Variants in MAGI1 observed in about 807,000 individuals in gnomAD.
MAGI1 encodes membrane-associated guanylate kinase, WW and PDZ domain-containing protein 1.
MAGI1 carries 58 observed loss-of-function variants against 139.9 expected under a neutral mutation model. That is an observed-to-expected ratio of 0.41 (90% CI 0.34 to 0.52). MAGI1 has a LOEUF of 0.52. Among genes scored for constraint, MAGI1 ranks in the 20% least tolerant of loss-of-function variants. The probability of loss-of-function intolerance (pLI) is 0.12; values close to 1 mark genes in which losing one functional copy is unlikely to be tolerated. For missense variants in MAGI1, 1,874 were observed against 1,901.6 expected, an observed-to-expected ratio of 0.99 and a Z score of 0.27; for synonymous variants, 812 against 737.9, an observed-to-expected ratio of 1.10 and a Z score of -1.63.
intron 5 of MAGI1, among the ~76,000 whole-genome samples, chr3:65,465,056 C>T (rs1021296590): frequency 3.3e-4 from 49 of 149,074 alleles, no homozygotes; most frequent in Admixed American, 3.4e-4. Flanking sequence ...ATCATTTTAC[C>T]GCTTTGACTG....
At chr3:65,359,091 G>A in intron 22 of MAGI1, 1 of 1,614,094 alleles carries the variant, frequency 6.2e-7, no homozygotes, top group Non-Finnish European at 8.5e-7. Context: ...CCATAAGGTA[G>A]AAGCAAGCCT....
chr3:65,849,483 A>ATATATG (rs1400593304), intron 1 of MAGI1, among the ~76,000 whole-genome samples: 4 of 142,828 alleles, frequency 2.8e-5, no homozygotes, highest in Non-Finnish European at 6.2e-5. Flanking sequence ...ATATATATAT[A>ATATATG]TATCATCAAA....
intron 14 of MAGI1, among the ~76,000 whole-genome samples, chr3:65,388,877 T>C (rs1286743316): frequency 1.5e-5 from 2 of 132,662 alleles, no homozygotes; most frequent in Non-Finnish European, 3.1e-5. Context: ...AGTCTCGCTC[T>C]GTCGCCCAGG....
chr3:65,401,927 T>A (rs1575619515), intron 12 of MAGI1: 7 of 984,280 alleles, frequency 7.1e-6, no homozygotes, highest in Non-Finnish European at 8.4e-6. Context: ...ATGGTTAAAA[T>A]TAAAAAAATT....
At chr3:65,846,152 C>A (rs916631451) in intron 1 of MAGI1, among the ~76,000 whole-genome samples, 1 of 152,160 alleles carries the variant, frequency 6.6e-6, no homozygotes, top group African/African-American at 2.4e-5. Context: ...GACCAGGCAG[C>A]TATAAATCCA....
chr3:65,514,485 A>G (rs2107770089), intron 2 of MAGI1, among the ~76,000 whole-genome samples: 1 of 150,394 alleles, frequency 6.6e-6, no homozygotes, highest in South Asian at 2.1e-4. Flanking sequence ...AACCCCATCA[A>G]AAACTGGGCG....
At chr3:65,870,292 A>C (rs1275780383) in intron 1 of MAGI1, among the ~76,000 whole-genome samples, 1 of 151,894 alleles carries the variant, frequency 6.6e-6, no homozygotes, top group African/African-American at 2.4e-5. Context: ...CTGGGCCTCC[A>C]ACAACCCTTC....
At chr3:65,652,993 G>A (rs552964396) in intron 1 of MAGI1, among the ~76,000 whole-genome samples, 1 of 152,302 alleles carries the variant, frequency 6.6e-6, no homozygotes, top group Admixed American at 6.5e-5. Flanking sequence ...GGACATGTGA[G>A]TCATCAGAAG....
intron 1 of MAGI1, among the ~76,000 whole-genome samples, chr3:66,033,830 T>C (rs576688312): frequency 1.3e-5 from 2 of 152,318 alleles, no homozygotes; most frequent in East Asian, 3.9e-4. Context: ...TGACCTGTAA[T>C]ACACCACTTT....
At chr3:65,482,204 C>A (rs1031943540) in intron 3 of MAGI1, among the ~76,000 whole-genome samples, 2 of 152,162 alleles carry the variant, frequency 1.3e-5, no homozygotes, top group African/African-American at 4.8e-5. Context: ...CAGTCTTTGT[C>A]CGCCTTTAAC....
At chr3:65,910,426 A>G (rs1352747077) in intron 1 of MAGI1, among the ~76,000 whole-genome samples, 8 of 152,226 alleles carry the variant, frequency 5.3e-5, no homozygotes, top group Non-Finnish European at 1.2e-4. Context: ...ATTCCAGAGG[A>G]AAAACAAGCA....
chr3:65,442,843 G>A lies in MAGI1; in HGVS notation c.1085C>T (p.Pro362Leu), dbSNP rs750132743. 6.2e-7 allele frequency: 1 copy of A among 1,612,826 alleles called. No homozygotes were observed. The highest frequency in any genetic ancestry group is 8.5e-7 in the Non-Finnish European group (1 of 1,179,204). Residue 362 changes from proline to leucine, a missense_variant, in exon 8 of 23, where the codon CCT becomes CTT. Pro to Leu is a moderately conservative substitution (Grantham distance 98, BLOSUM62 -3). Around this residue, in one of 5 missense-constraint regions of MAGI1, gnomAD observed 648 missense variants for 598.1 expected, o/e 1.08. Transcript: ENST00000402939. ...TEELDSELEL[P>L]AGWEKIEDPV... ...GTCTTCAATCTTTTCCCAACCAGCA[G>A]GCAGTTCTGAAAAATAAAAGAACAT...
intron 2 of MAGI1, among the ~76,000 whole-genome samples, chr3:65,578,205 T>C (rs755619722): frequency 1.3e-5 from 2 of 152,202 alleles, no homozygotes; most frequent in Non-Finnish European, 2.9e-5. Context: ...CATACCATGT[T>C]GCTTCCCATA....
chr3:65,927,978 A>G lies in MAGI1; in HGVS notation c.313+110018T>C, dbSNP rs115711016. The stretch of plus-strand genomic sequence containing the variant: ...GCCACTTGAGGAATATGATCACCCT[A>G]CTTAAAATTGCAACCCAAGTCCCTT... On this transcript the variant is annotated intron_variant, in intron 1 of 22. Coordinates refer to ENST00000402939, the MANE Select transcript of MAGI1 (RefSeq NM_001033057.2). Among the ~76,000 whole-genome samples the G allele has an allele frequency of 2.7e-3, 418 of 152,362 alleles. 2 individuals carry two copies. The highest frequency in any genetic ancestry group is 9.3e-3 in the African/African-American group (387 of 41,586).
chr3:66,019,865 T>C (rs2067867449), intron 1 of MAGI1, among the ~76,000 whole-genome samples: 1 of 152,176 alleles, frequency 6.6e-6, no homozygotes, highest in African/African-American at 2.4e-5. Context: ...AGTTGGTTAC[T>C]TGACCTGGCA....
chr3:65,484,831 T>TG (rs1951526729), intron 3 of MAGI1, among the ~76,000 whole-genome samples: 1 of 152,150 alleles, frequency 6.6e-6, no homozygotes. Context: ...TATCAGTTCT[T>TG]ATATGTTCTC....
rs182063704 is a variant in MAGI1 at position 65,788,277 on chromosome 3, G to A, written c.314-166189C>T. Among the ~76,000 whole-genome samples the A allele has an allele frequency of 2.3e-4, 35 of 152,272 alleles. No homozygotes were observed. In the East Asian group the frequency reaches 5.6e-3, roughly 24 times the overall value. On this transcript the variant is annotated intron_variant, in intron 1 of 22. Transcript: ENST00000402939. ...TGGGAATCACACAATGATCCCACAC[G>A]CTTTCTCATCCCAATCTTACAAATA...
At chr3:66,022,887 G>T (rs114373847) in intron 1 of MAGI1, among the ~76,000 whole-genome samples, 1 of 152,176 alleles carries the variant, frequency 6.6e-6, no homozygotes, top group Non-Finnish European at 1.5e-5. Context: ...ACTTAACTGT[G>T]CATTTGCACT....
rs78526262 is a variant in MAGI1, at chr3:65,872,045, G to A, written c.313+165951C>T. Among the ~76,000 whole-genome samples the A allele has an allele frequency of 4.3e-3, 660 of 152,262 alleles. 4 individuals are homozygous for A. The highest frequency in any genetic ancestry group is 0.015 in the African/African-American group (625 of 41,544). ...GCTCTACTAACCAGTTGTGTAACCT[G>A]GGGACTGACCCTCTCAGACTTCCAA... On this transcript the variant is annotated intron_variant, in intron 1 of 22. Transcript: ENST00000402939.
Sources: gnomAD v4.1 joint callset for allele counts (sites outside exome capture counted in the v4.1 genomes callset) on GRCh38, gnomAD v4.1.1 for gene constraint, gnomAD v4.1.1 regional missense constraint, MANE v1.5 for transcripts, NCBI Gene and HGNC (gene_info 2026-07-23, HGNC 2026-07-21) for gene names.